XPNPEP3: variants seen among roughly 807,000 people sequenced by gnomAD.
The protein encoded by XPNPEP3 is xaa-Pro aminopeptidase 3.
A neutral mutation model predicts 60.0 loss-of-function variants in XPNPEP3; 41 were observed. That is an observed-to-expected ratio of 0.68 (90% CI 0.53 to 0.89). XPNPEP3 has a LOEUF of 0.89. Among genes scored for constraint, XPNPEP3 ranks in the 40% least tolerant of loss-of-function variants. The pLI is 0.00. For missense variants in XPNPEP3, 598 were observed against 638.9 expected (o/e 0.94, Z 0.69); for synonymous variants, 212 against 223.2 (o/e 0.95, Z 0.45).
At chr22:40,868,048 G>A (rs1179936467) in intron 1 of XPNPEP3, among the ~76,000 whole-genome samples, 2 of 151,948 alleles carry the variant, frequency 1.3e-5, no homozygotes, top group Non-Finnish European at 2.9e-5. Context: ...ACTAGACTGT[G>A]CATTCTTTAA....
At position 40,861,271 on chromosome 22, in the gene XPNPEP3, G is replaced by A. The variant is rs377535546; in HGVS notation, c.64+4026G>A. ...TTTGGTGAATAGTTGTTGAATGACT[G>A]TGTTCTCCAGCTGCATTCTTTTGCA... is the stretch of plus-strand genomic sequence containing the variant. On this transcript the variant is annotated intron_variant, in intron 1 of 9. Coordinates refer to ENST00000357137, the MANE Select transcript of XPNPEP3 (RefSeq NM_022098.4). 19 of 1,614,130 alleles carry A rather than the reference G, an allele frequency of 1.2e-5. No homozygotes were observed. In the South Asian group the frequency reaches 2.0e-4, roughly 17 times the overall value.
chr22:40,903,374 A>G (rs144802526), intron 4 of XPNPEP3, among the ~76,000 whole-genome samples: 90 of 152,088 alleles, frequency 5.9e-4, no homozygotes, highest in African/African-American at 2.1e-3. Flanking sequence ...TGTGCTGTCT[A>G]GTTTGTTAAT....
intron 1 of XPNPEP3, among the ~76,000 whole-genome samples, chr22:40,865,603 C>T (rs1249371906): frequency 6.7e-6 from 1 of 149,416 alleles, no homozygotes; most frequent in Admixed American, 6.8e-5. Flanking sequence ...GCTGGGATTA[C>T]AGGTGTGAGC....
chr22:40,865,107 T>C (rs1464737300), intron 1 of XPNPEP3, among the ~76,000 whole-genome samples: 1 of 152,186 alleles, frequency 6.6e-6, no homozygotes, highest in Non-Finnish European at 1.5e-5. Flanking sequence ...TGTGCCATTT[T>C]CTCTGCCTCT....
chr22:40,870,616 C>T (rs2145776001), intron 2 of XPNPEP3, among the ~76,000 whole-genome samples: 1 of 152,214 alleles, frequency 6.6e-6, no homozygotes, highest in East Asian at 1.9e-4. Flanking sequence ...GATTTTTCTG[C>T]AGACAAAAGT....
intron 1 of XPNPEP3, chr22:40,861,677 T>A (rs908098947): frequency 5.0e-6 from 8 of 1,613,976 alleles, no homozygotes; most frequent in Non-Finnish European, 5.9e-6. Flanking sequence ...GAAAAGAAAA[T>A]GGATCCCTTT....
intron 8 of XPNPEP3, among the ~76,000 whole-genome samples, chr22:40,923,432 A>G (rs1325688512): frequency 1.3e-5 from 2 of 152,140 alleles, no homozygotes; most frequent in Admixed American, 6.6e-5. Context: ...CTAGATGCCT[A>G]AGTCAGATAG....
chr22:40,914,414 A>G (rs948267294), intron 7 of XPNPEP3, 90 bp downstream of exon 7: 1 of 1,117,898 alleles, frequency 8.9e-7, no homozygotes, highest in Admixed American at 1.8e-5. Context: ...CTAAAGAAAT[A>G]CTATAGGTCC....
At chr22:40,882,202 A>G in intron 3 of XPNPEP3, 25 bp downstream of exon 3, 1 of 1,613,504 alleles carries the variant, frequency 6.2e-7, no homozygotes, top group Non-Finnish European at 8.5e-7. Flanking sequence ...CAGAAGTCAC[A>G]TTACAAACCA....
At chr22:40,887,772 T>C (rs2058074914) in intron 4 of XPNPEP3, among the ~76,000 whole-genome samples, 1 of 152,042 alleles carries the variant, frequency 6.6e-6, no homozygotes, top group South Asian at 2.1e-4. Flanking sequence ...GGTCACATAA[T>C]CATATTCCTG....
At chr22:40,885,614 T>C (rs1011255494) in intron 3 of XPNPEP3, among the ~76,000 whole-genome samples, 6 of 152,226 alleles carry the variant, frequency 3.9e-5, no homozygotes, top group Non-Finnish European at 8.8e-5. Flanking sequence ...AGTATGTTTT[T>C]CTGTCCTTCT....
chr22:40,883,932 T>C (rs1287228875), intron 3 of XPNPEP3, among the ~76,000 whole-genome samples: 1 of 152,234 alleles, frequency 6.6e-6, no homozygotes, highest in Non-Finnish European at 1.5e-5. Flanking sequence ...AGTTTTTGTT[T>C]GATTTTTCTT....
chr22:40,876,054 C>T (rs972221401), intron 2 of XPNPEP3, among the ~76,000 whole-genome samples: 15 of 151,952 alleles, frequency 9.9e-5, no homozygotes, highest in Admixed American at 3.3e-4. Context: ...TTGTATTTCT[C>T]TTTTTTACCT....
intron 1 of XPNPEP3, 34 bp from the exon 2 acceptor site, chr22:40,868,965 T>C: frequency 6.5e-7 from 1 of 1,539,112 alleles, no homozygotes; most frequent in Non-Finnish European, 9.0e-7. Context: ...TCTAGATCTA[T>C]TGTTTCATTT....
chr22:40,861,474 A>G, intron 1 of XPNPEP3: 1 of 1,614,210 alleles, frequency 6.2e-7, no homozygotes, highest in Non-Finnish European at 8.5e-7. Context: ...ATCAAAAGCC[A>G]GGGAAGAGAA....
At chr22:40,916,815 C>T (rs1456504748) in intron 7 of XPNPEP3, among the ~76,000 whole-genome samples, 1 of 152,082 alleles carries the variant, frequency 6.6e-6, no homozygotes, top group Non-Finnish European at 1.5e-5. Context: ...GACAGCCAGG[C>T]GAGGTGCCTC....
intron 1 of XPNPEP3, chr22:40,860,159 C>T (rs1394885093): frequency 6.6e-6 from 1 of 152,252 alleles, no homozygotes; most frequent in East Asian, 1.9e-4. Flanking sequence ...TCCCTACAAC[C>T]TCAAACTCCT....
intron 4 of XPNPEP3, chr22:40,888,514 G>A (rs961970059): frequency 9.3e-6 from 3 of 324,064 alleles, no homozygotes; most frequent in African/African-American, 4.4e-5. Flanking sequence ...AAAGTGCTGG[G>A]ATTACAGGTA....
At chr22:40,900,555 G>A (rs6002191) in intron 4 of XPNPEP3, among the ~76,000 whole-genome samples, 7,968 of 151,492 alleles carry the variant, frequency 0.053, 664 homozygotes, top group African/African-American at 0.18. Flanking sequence ...GTCATGAACC[G>A]AGATCGCACC....
Sources: allele counts gnomAD v4.1 joint callset (sites outside exome capture counted in the v4.1 genomes callset), GRCh38; gene constraint gnomAD v4.1.1; transcripts MANE v1.5; gene names NCBI Gene and HGNC (gene_info 2026-07-23, HGNC 2026-07-21).